CASP9: variants seen among roughly 807,000 people sequenced by gnomAD.
CASP9 encodes caspase 9, also known as caspase-9.
A neutral mutation model predicts 43.5 loss-of-function variants in CASP9; 29 were observed. The observed-to-expected ratio is 0.67, with a 90% CI of 0.50 to 0.91. CASP9 has a LOEUF of 0.91. CASP9 is among the 40% of genes least tolerant of loss of function. The pLI is 0.00. For synonymous variants in CASP9, 206 were observed against 211.9 expected, an observed-to-expected ratio of 0.97 and a Z score of 0.24; for missense variants, 575 against 537.4, an observed-to-expected ratio of 1.07 and a Z score of -0.69.
chr1:15,511,485 C>A (rs1709752269), intron 2 of CASP9, among the ~76,000 whole-genome samples: 1 of 151,892 alleles, frequency 6.6e-6, no homozygotes, highest in African/African-American at 2.4e-5. Context: ...CTCACTGCAA[C>A]CTCTGTCTCC....
intron 2 of CASP9, 110 bp from the exon 3 acceptor site, chr1:15,508,017 C>T (rs1709591273): frequency 9.1e-7 from 1 of 1,097,664 alleles, no homozygotes; most frequent in African/African-American, 1.6e-5. Flanking sequence ...AACTCAGACC[C>T]TCAGACTCTG....
intron 4 of CASP9, 67 bp downstream of exon 4, chr1:15,506,832 T>G: frequency 7.3e-7 from 1 of 1,374,582 alleles, no homozygotes; most frequent in Non-Finnish European, 1.0e-6. Context: ...GCTTTTGGAG[T>G]CCCTCAAAAG....
intron 1 of CASP9, chr1:15,519,929 G>T: frequency 6.6e-6 from 1 of 152,292 alleles, no homozygotes. Context: ...AGGATGGCTC[G>T]AGCCCAGGAG....
At chr1:15,511,587 A>G (rs946713326) in intron 2 of CASP9, among the ~76,000 whole-genome samples, 2 of 152,108 alleles carry the variant, frequency 1.3e-5, no homozygotes, top group Non-Finnish European at 2.9e-5. Context: ...CATTTTTAGT[A>G]GAGACAGGGT....
chr1:15,524,588 G>GTCCCCGCACTGACCTCACA (rs1570886328), upstream of CASP9: 2 of 817,366 alleles, frequency 2.4e-6, no homozygotes, highest in East Asian at 3.5e-4. Flanking sequence ...CTGACCTCAC[G>GTCCCCGCACTGACCTCACA]TCACCGCCCC....
In CASP9 at chr1:15,524,109, C is replaced by A. The variant is rs866038495; in HGVS notation, c.92G>T (p.Ser31Ile). ...CATATGGGGCCTGAACAGCTCGCGG[C>A]TCAGCAGGGCGTCCCAGAGCTGGTC... is the stretch of plus-strand genomic sequence containing the variant. ...QVDQLWDALL[S>I]RELFRPHMIE... is the part of the protein sequence containing the mutation. The change falls in exon 1 of 9, where the codon AGC becomes ATC. Residue 31 changes from serine to isoleucine, a missense_variant. Coordinates refer to ENST00000333868, the MANE Select transcript of CASP9 (RefSeq NM_001229.5). 1 of 1,540,410 alleles carries A rather than the reference C, an allele frequency of 6.5e-7. No homozygotes were observed.
At chr1:15,506,411 G>A (rs909410593) in intron 4 of CASP9, among the ~76,000 whole-genome samples, 23 of 151,986 alleles carry the variant, frequency 1.5e-4, no homozygotes, top group African/African-American at 3.6e-4. Context: ...AGCCGAGATC[G>A]CGCCACTGTA....
chr1:15,509,460 C>CAAA (rs563284288), intron 2 of CASP9, among the ~76,000 whole-genome samples: 5 of 105,670 alleles, frequency 4.7e-5, no homozygotes, highest in Admixed American at 3.2e-4. Flanking sequence ...ACTAAAAATA[C>CAAA]AAAAAAAAAA....
At chr1:15,493,185 C>T (rs756253284) in intron 8 of CASP9, 150 bp from the exon 9 acceptor site, 31 of 1,445,910 alleles carry the variant, frequency 2.1e-5, no homozygotes, top group Middle Eastern at 2.0e-4. Context: ...TTAAAGAATA[C>T]GCACCTCAAC....
chr1:15,512,975 G>C (rs1709815129), intron 2 of CASP9, among the ~76,000 whole-genome samples: 1 of 152,132 alleles, frequency 6.6e-6, no homozygotes. Context: ...GGTTAACATG[G>C]TGAAACCCTG....
At position 15,503,092 on chromosome 1, in the gene CASP9, T is replaced by A. The variant is rs147854902; in HGVS notation, c.868+1519A>T. On this transcript the variant is annotated intron_variant, in intron 6 of 8. Transcript: ENST00000333868. ...TACACACACCAATTAGTGCATTAAATATTATTAAAGTTGCCTGGGCACAGT... is the reference window on the plus strand; with the variant it reads ...TACACACACCAATTAGTGCATTAAAAATTATTAAAGTTGCCTGGGCACAGT... 1.2e-3 allele frequency among the ~76,000 whole-genome samples: 187 copies of A among 151,802 alleles called. 2 individuals are homozygous for A. The highest frequency in any genetic ancestry group is 0.01 in the Middle Eastern group (3 of 294).
chr1:15,524,402 C>G, upstream of CASP9: 1 of 1,357,670 alleles, frequency 7.4e-7, no homozygotes, highest in Non-Finnish European at 9.4e-7. Flanking sequence ...CACCGCCCCG[C>G]CCTCAGGACG....
chr1:15,506,704 G>A (rs1446384077), intron 4 of CASP9, among the ~76,000 whole-genome samples, 195 bp downstream of exon 4: 4 of 152,186 alleles, frequency 2.6e-5, no homozygotes, highest in African/African-American at 9.7e-5. Context: ...ACAGCAGGTG[G>A]CCGAGAGAGC....
At chr1:15,511,070 G>A (rs1022833029) in intron 2 of CASP9, among the ~76,000 whole-genome samples, 1 of 152,174 alleles carries the variant, frequency 6.6e-6, no homozygotes, top group Non-Finnish European at 1.5e-5. Context: ...ATAAATGCCA[G>A]GGCGATCTGG....
intron 3 of CASP9, 42 bp from the exon 4 acceptor site, chr1:15,507,117 G>A (rs377717091): frequency 5.6e-5 from 90 of 1,611,222 alleles, no homozygotes; most frequent in East Asian, 1.6e-4. Context: ...CTCTCCCCAC[G>A]CTCCCTAGAG....
At chr1:15,503,934 A>C (rs1383242080) in intron 6 of CASP9, among the ~76,000 whole-genome samples, 1 of 152,228 alleles carries the variant, frequency 6.6e-6, no homozygotes, top group Non-Finnish European at 1.5e-5. Context: ...TTATAAGAAA[A>C]TCAGATAACA....
chr1:15,493,747 C>T, intron 8 of CASP9, 145 bp downstream of exon 8: 1 of 1,519,504 alleles, frequency 6.6e-7, no homozygotes. Context: ...CACAAAAGTG[C>T]CGACTCCAAG....
intron 6 of CASP9, among the ~76,000 whole-genome samples, chr1:15,497,307 T>C (rs1709137914): frequency 1.9e-5 from 2 of 105,216 alleles, no homozygotes; most frequent in African/African-American, 3.9e-5. Context: ...CAGGACTCCA[T>C]CTAAAAAAAA....
chr1:15,499,348 C>G (rs1335688556), intron 6 of CASP9, among the ~76,000 whole-genome samples: 1 of 152,030 alleles, frequency 6.6e-6, no homozygotes, highest in Non-Finnish European at 1.5e-5. Context: ...GCAGGACATC[C>G]TAGGATGTAT....
Sources: allele counts gnomAD v4.1 joint callset (sites outside exome capture counted in the v4.1 genomes callset), GRCh38; gene constraint gnomAD v4.1.1; transcripts MANE v1.5; gene names NCBI Gene and HGNC (gene_info 2026-07-23, HGNC 2026-07-21).